Variants in SYCP2 observed in about 807,000 individuals in gnomAD.
SYCP2 encodes synaptonemal complex protein 2.
A neutral mutation model predicts 211.3 loss-of-function variants in SYCP2; 55 were observed. The observed-to-expected ratio is 0.26, with a 90% CI of 0.21 to 0.33. The LOEUF is 0.33. Ranked by LOEUF, SYCP2 falls within the 10% of genes least tolerant of loss-of-function variation. The pLI is 1.00. For missense variants in SYCP2, 1,731 were observed against 1,752.0 expected, an observed-to-expected ratio of 0.99 and a Z score of 0.21; for synonymous variants, 570 against 555.2, an observed-to-expected ratio of 1.03 and a Z score of -0.37.
At position 59,866,521 on chromosome 20, in the gene SYCP2, T is replaced by C. The variant is rs199997654; in HGVS notation, c.4194A>G (p.Thr1398=). 26 of 1,607,356 alleles carry C rather than the reference T, an allele frequency of 1.6e-5. No individual in the cohort carries two copies. The highest frequency in any genetic ancestry group is 2.0e-5 in the Non-Finnish European group (24 of 1,177,594). The change falls in exon 40 of 45, where the codon ACA becomes ACG. Residue 1398 remains threonine, a synonymous_variant. Transcript: ENST00000357552. ...SWKTAQQHLR[T]MNHQSQDSRI... ...TAGAGTCCTGACTTTGATGATTCAT[T>C]GTTCTCAGATGTTGCTGAGCTGTTT... is the stretch of plus-strand genomic sequence containing the variant.
At chr20:59,891,236 C>CAA (rs566529038) in intron 24 of SYCP2, among the ~76,000 whole-genome samples, 149 of 151,862 alleles carry the variant, frequency 9.8e-4, no homozygotes, top group African/African-American at 3.3e-3. Flanking sequence ...TCAGAAATAT[C>CAA]AAAAAGCAGA....
chr20:59,886,588 G>A (rs949411528), intron 25 of SYCP2, 119 bp downstream of exon 25: 4 of 642,416 alleles, frequency 6.2e-6, no homozygotes, highest in Non-Finnish European at 9.6e-6. Context: ...AAGTAACCAT[G>A]TGTTTTCTAC....
chr20:59,906,395 C>T (rs1436196988), intron 15 of SYCP2, among the ~76,000 whole-genome samples: 1 of 152,002 alleles, frequency 6.6e-6, no homozygotes, highest in African/African-American at 2.4e-5. Flanking sequence ...AAGAAATAGA[C>T]ACACTATTAC....
At position 59,865,656 on chromosome 20, in the gene SYCP2, G is replaced by C; in HGVS notation, c.4380-5C>G. 6.3e-7 allele frequency: 1 copy of C among 1,584,214 alleles called. No individual in the cohort carries two copies. The highest frequency in any genetic ancestry group is 8.6e-7 in the Non-Finnish European group (1 of 1,162,990). On this transcript the variant is annotated splice_polypyrimidine_tract_variant and splice_region_variant and intron_variant, in intron 42 of 44. Transcript: ENST00000357552. Reference sequence around the variant, plus strand: ...GAAGTTTTCAAAAGATGAAGCCTAAGAAGTAAAATAATGAGTTAACCTTGT... The same window carrying C: ...GAAGTTTTCAAAAGATGAAGCCTAACAAGTAAAATAATGAGTTAACCTTGT...
intron 12 of SYCP2, among the ~76,000 whole-genome samples, chr20:59,913,519 A>G (rs2060372145): frequency 6.6e-6 from 1 of 152,206 alleles, no homozygotes; most frequent in Admixed American, 6.5e-5. Flanking sequence ...CCCCTCAGAA[A>G]GATCCTACTT....
chr20:59,872,749 A>G (rs1458275885), intron 35 of SYCP2, among the ~76,000 whole-genome samples: 1 of 152,016 alleles, frequency 6.6e-6, no homozygotes, highest in African/African-American at 2.4e-5. Context: ...TGTTCTACAC[A>G]TTAGAACTAC....
At chr20:59,869,270 CTTATG>C (rs1249516256) in intron 36 of SYCP2, among the ~76,000 whole-genome samples, 2 of 151,646 alleles carry the variant, frequency 1.3e-5, no homozygotes, top group Admixed American at 1.3e-4. Context: ...CACATCTAAC[CTTATG>C]TTATACTATT....
chr20:59,879,240 A>G (rs1447132859), intron 31 of SYCP2, among the ~76,000 whole-genome samples: 1 of 152,010 alleles, frequency 6.6e-6, no homozygotes, highest in Non-Finnish European at 1.5e-5. Flanking sequence ...TGATCTATGT[A>G]CCAAATACTT....
intron 44 of SYCP2, 138 bp downstream of exon 44, chr20:59,865,247 AAAG>A: frequency 1.6e-6 from 1 of 631,406 alleles, no homozygotes; most frequent in South Asian, 2.2e-5. Context: ...CCCATTATTT[AAAG>A]AACTAAAAGT....
chr20:59,891,010 C>T (rs2059896392), intron 24 of SYCP2, among the ~76,000 whole-genome samples: 1 of 151,808 alleles, frequency 6.6e-6, no homozygotes, highest in South Asian at 2.1e-4. Flanking sequence ...AAAAAGTGAG[C>T]TGCAGGTGTA....
intron 37 of SYCP2, 28 bp from the exon 38 acceptor site, chr20:59,868,596 G>A (rs1437627787): frequency 6.5e-7 from 1 of 1,545,522 alleles, no homozygotes; most frequent in Non-Finnish European, 8.6e-7. Context: ...AAAGTTAAAA[G>A]CGCTGCAATT....
intron 14 of SYCP2, among the ~76,000 whole-genome samples, chr20:59,908,869 C>CA (rs1042144449): frequency 4.6e-5 from 7 of 151,984 alleles, no homozygotes; most frequent in African/African-American, 7.2e-5. Flanking sequence ...TTAATATACC[C>CA]AAAAAAACCC....
chr20:59,886,856 T>C (rs748417784), intron 24 of SYCP2, 22 bp from the exon 25 acceptor site: 1 of 1,539,316 alleles, frequency 6.5e-7, no homozygotes, highest in East Asian at 2.3e-5. Flanking sequence ...TGTAAGTTAC[T>C]TTTAAACTCT....
At chr20:59,921,506 C>T in intron 3 of SYCP2, 53 bp from the exon 4 acceptor site, 1 of 1,305,634 alleles carries the variant, frequency 7.7e-7, no homozygotes, top group South Asian at 1.8e-5. Context: ...AATTAATTAC[C>T]TTATGCAATC....
chr20:59,884,761 C>A (rs1265338442), intron 26 of SYCP2, among the ~76,000 whole-genome samples: 1 of 151,424 alleles, frequency 6.6e-6, no homozygotes, highest in Non-Finnish European at 1.5e-5. Flanking sequence ...AGAAGGTAAG[C>A]AAAAGGCAGC....
At chr20:59,909,657 A>G (rs1020082572) in intron 14 of SYCP2, among the ~76,000 whole-genome samples, 3 of 152,118 alleles carry the variant, frequency 2.0e-5, no homozygotes, top group Admixed American at 6.6e-5. Flanking sequence ...CACACTTCCT[A>G]TATTTTTGCA....
intron 41 of SYCP2, among the ~76,000 whole-genome samples, 166 bp from the exon 42 acceptor site, chr20:59,866,031 A>G (rs1043946118): frequency 7.3e-5 from 11 of 151,414 alleles, no homozygotes; most frequent in African/African-American, 2.2e-4. Context: ...AAAATATTCC[A>G]GATGTCATAT....
In SYCP2 at chr20:59,919,158, C is replaced by T; in HGVS notation, c.427G>A (p.Gly143Ser). The T allele has an allele frequency of 7.9e-7, 1 of 1,261,986 alleles. No individual in the cohort carries two copies. Among genetic ancestry groups the T allele is most frequent in the Non-Finnish European group, 1.1e-6 (1 of 887,504 alleles). The allele number at this position is 1,261,986 out of a possible 1,614,324, so 78.2% of individuals were successfully genotyped here. Residue 143 changes from glycine to serine, a missense_variant and splice_region_variant, in exon 7 of 45, where the codon GGT (glycine) becomes AGT (serine). By Grantham distance (56) the Gly-to-Ser change is moderately conservative. Coordinates refer to ENST00000357552, the MANE Select transcript of SYCP2 (RefSeq NM_014258.4). ...LLVIHDVSDE[G>S]KKQVVESFVP... The stretch of plus-strand genomic sequence containing the variant: ...AATAGAAAATAAGTGTTTATTATAC[C>T]TTCATCACTGACATCATGTATGACC...
At chr20:59,919,411 G>A in intron 6 of SYCP2, 82 bp downstream of exon 6, 3 of 1,051,268 alleles carry the variant, frequency 2.9e-6, no homozygotes, top group Non-Finnish European at 1.4e-6. Context: ...GTGACTTTTA[G>A]GCTCAGGGCA....
Sources: allele counts gnomAD v4.1 joint callset (sites outside exome capture counted in the v4.1 genomes callset), GRCh38; gene constraint gnomAD v4.1.1; transcripts MANE v1.5; gene names NCBI Gene and HGNC (gene_info 2026-07-23, HGNC 2026-07-21).